Variants in AIG1 observed in about 807,000 individuals in gnomAD.
The protein encoded by AIG1 is androgen-induced gene 1 protein.
Under a neutral mutation model 31.4 loss-of-function variants are expected in AIG1, and 23 were observed. The ratio of observed to expected loss-of-function variants is 0.73; its 90% CI spans 0.53 to 1.04. The LOEUF (loss-of-function observed/expected upper bound fraction) is 1.04, where lower values mean the gene tolerates loss of function less well. Ranked by LOEUF, AIG1 falls within the 50% of genes least tolerant of loss-of-function variation. The pLI, the probability that AIG1 is intolerant of heterozygous loss-of-function variation, is 0.00. For synonymous variants in AIG1, 100 were observed against 110.5 expected (o/e 0.90, Z 0.60); for missense variants, 274 against 295.0 (o/e 0.93, Z 0.52).
rs555182796 is a variant in AIG1, at chr6:143,125,582, A to C, written c.142-11253A>C. Among the ~76,000 whole-genome samples, 26 of 152,280 alleles carry C rather than the reference A, an allele frequency of 1.7e-4. 1 individual carries two copies. The South Asian group carries it at 5.2e-3, about 30-fold the overall frequency. ...GTAGCTGAGGAAGCTCAGTCAGAACACCCTGGGGGGGAATTTTCTATCATA... is the reference window on the plus strand; with the variant it reads ...GTAGCTGAGGAAGCTCAGTCAGAACCCCCTGGGGGGGAATTTTCTATCATA... On this transcript the variant is annotated intron_variant, in intron 1 of 5. Transcript: ENST00000357847.
chr6:143,294,578 G>A (rs937200674), intron 4 of AIG1, among the ~76,000 whole-genome samples: 1 of 152,184 alleles, frequency 6.6e-6, no homozygotes, highest in Non-Finnish European at 1.5e-5. Flanking sequence ...TTTAGTATAT[G>A]TAAAATGCAT....
intron 1 of AIG1, among the ~76,000 whole-genome samples, chr6:143,067,871 T>C (rs562049334): frequency 6.6e-6 from 1 of 152,284 alleles, no homozygotes; most frequent in Admixed American, 6.5e-5. Context: ...ATTTTTTTCT[T>C]CAGGAGACTC....
intron 3 of AIG1, among the ~76,000 whole-genome samples, chr6:143,181,258 C>G (rs1268878546): frequency 6.6e-6 from 1 of 152,140 alleles, no homozygotes; most frequent in Non-Finnish European, 1.5e-5. Flanking sequence ...GAAACTGGAA[C>G]AGAGATCAGA....
At chr6:143,262,308 C>CT (rs1247052190) in intron 3 of AIG1, among the ~76,000 whole-genome samples, 1 of 152,126 alleles carries the variant, frequency 6.6e-6, no homozygotes, top group African/African-American at 2.4e-5. Context: ...TTCCAAGGTA[C>CT]TTTTTTCTCC....
intron 3 of AIG1, among the ~76,000 whole-genome samples, chr6:143,257,573 CTTG>C (rs531897898): frequency 3.3e-4 from 50 of 152,008 alleles, no homozygotes; most frequent in African/African-American, 1.2e-3. Context: ...TTTTTGGTTT[CTTG>C]TTTGTTTGGT....
chr6:143,247,401 A>G (rs954950799), intron 3 of AIG1, among the ~76,000 whole-genome samples: 5 of 152,242 alleles, frequency 3.3e-5, no homozygotes, highest in African/African-American at 1.2e-4. Context: ...AAGTGTATCC[A>G]AGATTTTTAG....
chr6:143,170,550 G>T, intron 3 of AIG1, among the ~76,000 whole-genome samples: 1 of 149,850 alleles, frequency 6.7e-6, no homozygotes. Flanking sequence ...TCTACCTAAT[G>T]GTATGTCAGT....
intron 1 of AIG1, among the ~76,000 whole-genome samples, chr6:143,102,360 A>T (rs906719392): frequency 2.0e-5 from 3 of 150,510 alleles, no homozygotes; most frequent in Non-Finnish European, 4.4e-5. Flanking sequence ...GTGACTCCTC[A>T]ATTAATGTCC....
At chr6:143,229,325 T>G (rs1388473615) in intron 3 of AIG1, among the ~76,000 whole-genome samples, 1 of 152,258 alleles carries the variant, frequency 6.6e-6, no homozygotes, top group Non-Finnish European at 1.5e-5. Context: ...TTAGTTTCTT[T>G]TTTGGTGAAA....
At chr6:143,143,769 G>T (rs900621391) in intron 2 of AIG1, among the ~76,000 whole-genome samples, 1 of 151,744 alleles carries the variant, frequency 6.6e-6, no homozygotes, top group African/African-American at 2.4e-5. Flanking sequence ...TTAATCAAAT[G>T]CTTGCCCCCT....
intron 3 of AIG1, among the ~76,000 whole-genome samples, chr6:143,185,649 T>A (rs1789192187): frequency 6.6e-6 from 1 of 152,208 alleles, no homozygotes; most frequent in Non-Finnish European, 1.5e-5. Context: ...ATTTGTAGTT[T>A]GTTGCTACAT....
chr6:143,301,648 T>C (rs1798832785), intron 4 of AIG1, among the ~76,000 whole-genome samples: 1 of 152,104 alleles, frequency 6.6e-6, no homozygotes. Flanking sequence ...GAAGGCCCTT[T>C]ATAAAGTGTC....
At chr6:143,302,975 G>GT (rs1798940238) in intron 4 of AIG1, among the ~76,000 whole-genome samples, 1 of 152,166 alleles carries the variant, frequency 6.6e-6, no homozygotes, top group South Asian at 2.1e-4. Context: ...CTGATGGCCA[G>GT]TGATGGTGAG....
At chr6:143,127,016 A>G (rs1299873162) in intron 1 of AIG1, among the ~76,000 whole-genome samples, 1 of 152,190 alleles carries the variant, frequency 6.6e-6, no homozygotes, top group Admixed American at 6.5e-5. Context: ...TCTACAGAGT[A>G]ATATCTATCT....
rs1466345228 is a variant in AIG1, at chr6:143,107,861, GT to G, written c.142-28971del. Among the ~76,000 whole-genome samples, 3 of 152,204 alleles carry G rather than the reference GT, an allele frequency of 2.0e-5. No homozygotes were observed. In the East Asian group the frequency reaches 5.8e-4, roughly 29 times the overall value. ...TCTTTTGTGTGTTCCATTTTCTGTG[GT>G]TTCTTGTGTTTCTTCTAACAGAGGG... is the stretch of plus-strand genomic sequence containing the variant. On this transcript the variant is annotated intron_variant, in intron 1 of 5. Transcript: ENST00000357847.
At chr6:143,067,305 A>G (rs1776800652) in intron 1 of AIG1, among the ~76,000 whole-genome samples, 2 of 152,210 alleles carry the variant, frequency 1.3e-5, no homozygotes, top group African/African-American at 4.8e-5. Flanking sequence ...ATGGTCTTAT[A>G]TTTTGGCTAG....
intron 2 of AIG1, among the ~76,000 whole-genome samples, chr6:143,145,528 A>C (rs1784630059): frequency 7.6e-6 from 1 of 132,184 alleles, no homozygotes; most frequent in Non-Finnish European, 1.6e-5. Flanking sequence ...CATCAGGTGA[A>C]GAGATTATTC....
At chr6:143,260,805 A>G (rs997017199) in intron 3 of AIG1, among the ~76,000 whole-genome samples, 5 of 152,236 alleles carry the variant, frequency 3.3e-5, no homozygotes, top group Admixed American at 6.5e-5. Context: ...ATTCCAACCC[A>G]GGTGTAACTT....
chr6:143,061,192 C>T lies in AIG1; in HGVS notation c.141+126C>T, dbSNP rs777888827. ...CACGTGCGCGCCTCCAGCATCCACC[C>T]GTGTCCTCGCCTCTTCCCCAGTGAT... On this transcript the variant is annotated intron_variant, in intron 1 of 5. Transcript: ENST00000357847. The T allele has an allele frequency of 2.6e-6, 3 of 1,173,076 alleles. No individual in the cohort carries two copies. In the African/African-American group the frequency reaches 4.5e-5, roughly 18 times the overall value. The allele number at this position is 1,173,076 out of a possible 1,614,324, so 72.7% of individuals were successfully genotyped here.
Sources: allele counts gnomAD v4.1 joint callset (sites outside exome capture counted in the v4.1 genomes callset), GRCh38; gene constraint gnomAD v4.1.1; transcripts MANE v1.5; gene names NCBI Gene and HGNC (gene_info 2026-07-23, HGNC 2026-07-21).